Variants in B4GALT5 observed in about 807,000 individuals in gnomAD.
The protein encoded by B4GALT5 is beta-1,4-galactosyltransferase 5, also known as UDP-Gal:beta-GlcNAc beta-1,4-galactosyltransferase 5.
In B4GALT5, 11 loss-of-function variants were observed where a neutral mutation model predicts 45.0. That is an observed-to-expected ratio of 0.24 (90% CI 0.15 to 0.40). The LOEUF (loss-of-function observed/expected upper bound fraction) is 0.40, where lower values mean the gene tolerates loss of function less well. Ranked by LOEUF, B4GALT5 falls within the 10% of genes least tolerant of loss-of-function variation. The probability of loss-of-function intolerance (pLI) is 1.00; values close to 1 mark genes in which losing one functional copy is unlikely to be tolerated. For synonymous variants in B4GALT5, 185 were observed against 182.9 expected (o/e 1.01, Z -0.09); for missense variants, 337 against 500.2 (o/e 0.67, Z 3.11).
At chr20:49,667,617 C>A (rs1313443029) in intron 1 of B4GALT5, among the ~76,000 whole-genome samples, 1 of 152,110 alleles carries the variant, frequency 6.6e-6, no homozygotes, top group Non-Finnish European at 1.5e-5. Context: ...ACGATCATGG[C>A]TCACTGCAGT....
intron 1 of B4GALT5, among the ~76,000 whole-genome samples, chr20:49,681,925 G>A (rs780580584): frequency 4.5e-4 from 69 of 152,214 alleles, no homozygotes; most frequent in Middle Eastern, 3.4e-3. Context: ...GCAAGACCCC[G>A]TCTCTACAAA....
At chr20:49,643,420 G>A (rs1211773114) in intron 4 of B4GALT5, 106 bp downstream of exon 4, 4 of 1,418,698 alleles carry the variant, frequency 2.8e-6, no homozygotes, top group African/African-American at 1.4e-5. Context: ...GGAATGGTAG[G>A]ATGAAAATGA....
chr20:49,688,279 C>T (rs1226625958), intron 1 of B4GALT5, among the ~76,000 whole-genome samples: 1 of 152,194 alleles, frequency 6.6e-6, no homozygotes, highest in Admixed American at 6.5e-5. Flanking sequence ...CTGAATAGCA[C>T]AGCAGGTTTC....
chr20:49,710,404 TC>T (rs1453417440), intron 1 of B4GALT5, among the ~76,000 whole-genome samples: 31 of 56,938 alleles, frequency 5.4e-4, no homozygotes, highest in South Asian at 2.7e-3. Context: ...ATTTTCTCTC[TC>T]TTTTTTTTTT....
At chr20:49,687,349 T>C (rs2085790516) in intron 1 of B4GALT5, among the ~76,000 whole-genome samples, 1 of 152,224 alleles carries the variant, frequency 6.6e-6, no homozygotes, top group Non-Finnish European at 1.5e-5. Context: ...TTCACATTTA[T>C]TGGATTAATA....
At chr20:49,687,960 C>A (rs1007150913) in intron 1 of B4GALT5, among the ~76,000 whole-genome samples, 1 of 151,938 alleles carries the variant, frequency 6.6e-6, no homozygotes, top group Non-Finnish European at 1.5e-5. Flanking sequence ...GAGACACAAT[C>A]CGGAAGGGTA....
chr20:49,642,608 A>C (rs1448856928), intron 4 of B4GALT5, 24 bp from the exon 5 acceptor site: 2 of 1,548,210 alleles, frequency 1.3e-6, no homozygotes, highest in Admixed American at 3.4e-5. Flanking sequence ...CAGCAAAAGA[A>C]GCACAGTTAG....
At chr20:49,701,870 G>A (rs1334809531) in intron 1 of B4GALT5, among the ~76,000 whole-genome samples, 1 of 152,060 alleles carries the variant, frequency 6.6e-6, no homozygotes, top group Non-Finnish European at 1.5e-5. Flanking sequence ...TTCAAGACCA[G>A]CCTGACCAAA....
intron 1 of B4GALT5, among the ~76,000 whole-genome samples, chr20:49,671,751 T>C (rs1389572645): frequency 6.6e-6 from 1 of 152,210 alleles, no homozygotes; most frequent in African/African-American, 2.4e-5. Context: ...ACCCAAAATT[T>C]CAAAGTTTCC....
intron 1 of B4GALT5, among the ~76,000 whole-genome samples, chr20:49,687,234 T>A (rs2085790076): frequency 1.3e-5 from 2 of 152,248 alleles, no homozygotes. Context: ...GTTGAGAAAC[T>A]CTGCCTTAGA....
At chr20:49,659,911 G>C (rs1379085088) in intron 1 of B4GALT5, among the ~76,000 whole-genome samples, 1 of 151,792 alleles carries the variant, frequency 6.6e-6, no homozygotes, top group Non-Finnish European at 1.5e-5. Flanking sequence ...CAAGTAGCTG[G>C]GACTACTACA....
intron 1 of B4GALT5, among the ~76,000 whole-genome samples, chr20:49,704,961 C>A (rs946905624): frequency 6.6e-6 from 1 of 151,652 alleles, no homozygotes; most frequent in Non-Finnish European, 1.5e-5. Flanking sequence ...GGAACAATAC[C>A]CAGGGTCTAA....
intron 3 of B4GALT5, 137 bp from the exon 4 acceptor site, chr20:49,643,787 G>C: frequency 2.4e-6 from 2 of 848,944 alleles, no homozygotes; most frequent in Non-Finnish European, 3.5e-6. Context: ...CCCTTCCTCT[G>C]CTTTCCATCT....
At chr20:49,685,564 T>C (rs2085781832) in intron 1 of B4GALT5, among the ~76,000 whole-genome samples, 1 of 152,210 alleles carries the variant, frequency 6.6e-6, no homozygotes. Context: ...TGGATCCCAG[T>C]GCTCACCGGA....
chr20:49,664,962 G>C (rs1406906276), intron 1 of B4GALT5, among the ~76,000 whole-genome samples: 1 of 152,150 alleles, frequency 6.6e-6, no homozygotes, highest in Non-Finnish European at 1.5e-5. Context: ...CTACAGATTT[G>C]CAATTTTTTT....
chr20:49,637,470 T>C (rs2085558925), intron 7 of B4GALT5, 28 bp from the exon 8 acceptor site: 1 of 1,558,810 alleles, frequency 6.4e-7, no homozygotes, highest in Non-Finnish European at 8.9e-7. Context: ...AACAGGCTTT[T>C]AGATACAACG....
intron 1 of B4GALT5, among the ~76,000 whole-genome samples, chr20:49,713,270 G>A (rs1022559292): frequency 6.6e-6 from 1 of 151,574 alleles, no homozygotes; most frequent in Non-Finnish European, 1.5e-5. Context: ...TTCCAGCGAG[G>A]CAAGAGCGGG....
At chr20:49,638,783 A>G (rs1601244548) in intron 7 of B4GALT5, among the ~76,000 whole-genome samples, 1 of 152,368 alleles carries the variant, frequency 6.6e-6, no homozygotes, top group African/African-American at 2.4e-5. Flanking sequence ...CTAAATAGGA[A>G]TAACAGGCAA....
intron 1 of B4GALT5, among the ~76,000 whole-genome samples, chr20:49,705,489 G>A (rs756731004): frequency 2.0e-5 from 3 of 152,074 alleles, no homozygotes; most frequent in African/African-American, 4.8e-5. Flanking sequence ...GCTAATGTCC[G>A]AAAGCAATGG....
Sources: allele counts gnomAD v4.1 joint callset (sites outside exome capture counted in the v4.1 genomes callset), GRCh38; gene constraint gnomAD v4.1.1; transcripts MANE v1.5; gene names NCBI Gene and HGNC (gene_info 2026-07-23, HGNC 2026-07-21).